PUDP: variants seen among roughly 807,000 people sequenced by gnomAD.
PUDP encodes the protein pseudouridine 5'-phosphatase.
Under a neutral mutation model 9.4 loss-of-function variants are expected in PUDP, and 8 were observed. The ratio of observed to expected loss-of-function variants is 0.85; its 90% CI spans 0.50 to 1.53. The LOEUF (loss-of-function observed/expected upper bound fraction) is 1.53. Ranked by LOEUF, PUDP falls within the 40% of genes most tolerant of loss-of-function variation. The pLI, the probability that PUDP is intolerant of heterozygous loss-of-function variation, is 0.00. For synonymous variants in PUDP, 99 were observed against 80.7 expected (o/e 1.23, Z -1.22); for missense variants, 188 against 189.7 (o/e 0.99, Z 0.05).
intron 3 of PUDP, among the ~76,000 whole-genome samples, chrX:6,808,475 C>G (rs1045441450): frequency 9.0e-6 from 1 of 111,223 alleles, no homozygotes; most frequent in Non-Finnish European, 1.9e-5. Flanking sequence ...AGGAAATGAC[C>G]CTTTATATGC....
chrX:6,983,238 A>G (rs1929060563), intron 1 of PUDP, among the ~76,000 whole-genome samples: 1 of 111,551 alleles, frequency 9.0e-6, no homozygotes, highest in Admixed American at 9.5e-5. Flanking sequence ...AGTGTCCCCA[A>G]GAACTTGGGG....
chrX:6,785,555 G>A (rs1015264742), intron 3 of PUDP, among the ~76,000 whole-genome samples: 2 of 108,625 alleles, frequency 1.8e-5, no homozygotes, highest in Non-Finnish European at 3.8e-5. Flanking sequence ...TACTTTGCGC[G>A]TTTTCTATTT....
At chrX:7,043,893 TTAA>T (rs905642898) in intron 1 of PUDP, among the ~76,000 whole-genome samples, 1 of 112,102 alleles carries the variant, frequency 8.9e-6, no homozygotes, top group Admixed American at 9.5e-5. Flanking sequence ...AAAAATCTAC[TTAA>T]TAATAATCAG....
intron 3 of PUDP, among the ~76,000 whole-genome samples, chrX:6,815,316 A>G (rs924020210): frequency 3.6e-5 from 4 of 111,631 alleles, no homozygotes; most frequent in Non-Finnish European, 7.5e-5. Context: ...TAAACAAGGG[A>G]AAAAAAGCAT....
intron 3 of PUDP, among the ~76,000 whole-genome samples, chrX:6,883,570 G>C (rs1294425536): frequency 9.4e-6 from 1 of 106,455 alleles, no homozygotes; most frequent in Non-Finnish European, 1.9e-5. Context: ...TAAATGCCAA[G>C]TAACAAATTC....
chrX:7,097,572 G>A (rs1172412008), intron 2 of PUDP, among the ~76,000 whole-genome samples: 2 of 111,332 alleles, frequency 1.8e-5, no homozygotes, highest in Admixed American at 9.6e-5. Context: ...ATCCTACCAC[G>A]GGTTTTCACT....
At chrX:6,945,395 C>A (rs892552874) in intron 3 of PUDP, among the ~76,000 whole-genome samples, 13 of 111,483 alleles carry the variant, frequency 1.2e-4, no homozygotes, top group African/African-American at 4.2e-4. Context: ...CCTTTTTTGT[C>A]ATTAAAAACA....
At chrX:6,753,270 A>G (rs1227671312) in intron 3 of PUDP, among the ~76,000 whole-genome samples, 4 of 112,021 alleles carry the variant, frequency 3.6e-5, no homozygotes, top group Non-Finnish European at 5.6e-5. Flanking sequence ...ATAGTCTCCA[A>G]TTTCATCCAG....
chrX:7,143,292 T>C (rs779362041), intron 1 of PUDP, among the ~76,000 whole-genome samples: 50 of 112,258 alleles, frequency 4.5e-4, no homozygotes, highest in African/African-American at 1.5e-3. Flanking sequence ...TTTATTGCGA[T>C]GTTTGCTTTA....
intron 1 of PUDP, among the ~76,000 whole-genome samples, chrX:7,024,742 T>A: frequency 9.9e-6 from 1 of 101,048 alleles, no homozygotes; most frequent in South Asian, 4.9e-4. Flanking sequence ...GCTCGCCACC[T>A]CGCCCGGCTA....
intron 2 of PUDP, among the ~76,000 whole-genome samples, chrX:7,103,486 T>C (rs1383894241): frequency 2.7e-5 from 3 of 112,331 alleles, no homozygotes; most frequent in Non-Finnish European, 5.6e-5. Context: ...TTCATGAAAT[T>C]GGAATTGGCA....
At chrX:6,731,735 A>AGGAG (rs1924809755) in intron 3 of PUDP, among the ~76,000 whole-genome samples, 1 of 83,085 alleles carries the variant, frequency 1.2e-5, no homozygotes, top group Non-Finnish European at 2.2e-5. Flanking sequence ...GAAGAAAAGA[A>AGGAG]GGAGGGAAGG....
chrX:6,719,215 TC>T (rs910360004), intron 1 of PUDP, among the ~76,000 whole-genome samples: 2 of 111,888 alleles, frequency 1.8e-5, no homozygotes, highest in African/African-American at 6.5e-5. Context: ...GAGTCTTCTC[TC>T]CTTGGCTTGT....
At chrX:6,895,492 A>G (rs1001098771) in intron 3 of PUDP, among the ~76,000 whole-genome samples, 1 of 108,728 alleles carries the variant, frequency 9.2e-6, no homozygotes, top group Admixed American at 1.0e-4. Flanking sequence ...ATATGTTATT[A>G]TATTTTTTCT....
chrX:7,007,395 G>T (rs1299716209), intron 1 of PUDP, among the ~76,000 whole-genome samples: 2 of 112,173 alleles, frequency 1.8e-5, no homozygotes, highest in African/African-American at 6.5e-5. Flanking sequence ...CAAAAACCCT[G>T]TAAATATCAG....
chrX:7,111,838 A>T (rs773115647), intron 1 of PUDP, among the ~76,000 whole-genome samples: 1 of 111,679 alleles, frequency 9.0e-6, no homozygotes, highest in Non-Finnish European at 1.9e-5. Flanking sequence ...ACCTCTGAGC[A>T]TCAACATATG....
At chrX:7,030,993 T>C (rs1341813062) in intron 1 of PUDP, among the ~76,000 whole-genome samples, 3 of 111,738 alleles carry the variant, frequency 2.7e-5, no homozygotes, top group East Asian at 5.6e-4. Flanking sequence ...GAGGGGTTGA[T>C]TATTCATGCC....
chrX:7,067,113 G>A (rs1930579132), intron 3 of PUDP, among the ~76,000 whole-genome samples: 2 of 112,164 alleles, frequency 1.8e-5, no homozygotes, highest in Admixed American at 1.9e-4. Context: ...GTAATTATGA[G>A]AGGACAGAAC....
At chrX:7,046,262 A>C (rs1929982603), downstream of PUDP, among the ~76,000 whole-genome samples, 1 of 111,763 alleles carries the variant, frequency 8.9e-6, no homozygotes, top group African/African-American at 3.3e-5. Flanking sequence ...CTCTGATCCA[A>C]TAGGACTGAA....
Sources: allele counts gnomAD v4.1 joint callset (sites outside exome capture counted in the v4.1 genomes callset), GRCh38; gene constraint gnomAD v4.1.1; transcripts MANE v1.5; gene names NCBI Gene and HGNC (gene_info 2026-07-23, HGNC 2026-07-21).